LGR6: variants seen among roughly 807,000 people sequenced by gnomAD.
LGR6 encodes leucine-rich repeat-containing G protein-coupled receptor 6.
LGR6 carries 45 observed loss-of-function variants against 69.4 expected under a neutral mutation model. The observed-to-expected ratio is 0.65, with a 90% confidence interval of 0.51 to 0.83. The LOEUF is 0.83. Among genes scored for constraint, LGR6 ranks in the 40% least tolerant of loss-of-function variants. The probability of loss-of-function intolerance (pLI) is 0.00; values close to 1 mark genes in which losing one functional copy is unlikely to be tolerated. For missense variants in LGR6, 1,108 were observed against 1,246.7 expected, an observed-to-expected ratio of 0.89 and a Z score of 1.68; for synonymous variants, 538 against 555.0, an observed-to-expected ratio of 0.97 and a Z score of 0.43.
intron 6 of LGR6, among the ~76,000 whole-genome samples, chr1:202,285,867 A>C (rs1369200827): frequency 6.6e-6 from 1 of 152,206 alleles, no homozygotes; most frequent in Non-Finnish European, 1.5e-5. Context: ...TCCAAAATCA[A>C]GGTGTTAGCA....
intron 4 of LGR6, among the ~76,000 whole-genome samples, chr1:202,249,216 C>T (rs1329846382): frequency 6.6e-6 from 1 of 152,144 alleles, no homozygotes; most frequent in South Asian, 2.1e-4. Context: ...TGCTTTCCAG[C>T]CCTTATCTTA....
chr1:202,289,409 T>G lies in LGR6; in HGVS notation c.717-8099T>G, dbSNP rs536756275. ...TTTTACCACCCTTCTAATTCTAGGTTTCTGTGGTTCCAGGTGCTTCATTAG... is the reference window on the plus strand; with the variant it reads ...TTTTACCACCCTTCTAATTCTAGGTGTCTGTGGTTCCAGGTGCTTCATTAG... On this transcript the variant is annotated intron_variant, in intron 6 of 17. Coordinates refer to ENST00000367278, the MANE Select transcript of LGR6 (RefSeq NM_001017403.2). Among the ~76,000 whole-genome samples the G allele has an allele frequency of 5.9e-5, 9 of 152,190 alleles. 1 individual carries two copies. Among genetic ancestry groups the G allele is most frequent in the African/African-American group, 1.9e-4 (8 of 41,456 alleles).
chr1:202,206,130 A>G (rs1659222496), intron 1 of LGR6, among the ~76,000 whole-genome samples: 1 of 152,252 alleles, frequency 6.6e-6, no homozygotes, highest in African/African-American at 2.4e-5. Flanking sequence ...AGGATGGAGG[A>G]CACTGGATCA....
intron 6 of LGR6, among the ~76,000 whole-genome samples, chr1:202,295,869 TAG>T (rs996425656): frequency 8.6e-6 from 1 of 116,496 alleles, no homozygotes; most frequent in African/African-American, 3.4e-5. Context: ...ATTGGGTAAT[TAG>T]TGTGTGTGTG....
intron 4 of LGR6, among the ~76,000 whole-genome samples, chr1:202,254,899 CAA>C (rs71890535): frequency 2.4e-5 from 3 of 124,398 alleles, no homozygotes; most frequent in Non-Finnish European, 3.5e-5. Context: ...TCTGTCTCTA[CAA>C]AAAAAAAAAA....
chr1:202,315,151 T>C (rs901110765), intron 17 of LGR6, among the ~76,000 whole-genome samples: 11 of 152,142 alleles, frequency 7.2e-5, no homozygotes, highest in African/African-American at 2.7e-4. Context: ...AAAACTACTG[T>C]TACACAGGAG....
chr1:202,274,486 C>T (rs557141441), intron 4 of LGR6, among the ~76,000 whole-genome samples: 1 of 152,330 alleles, frequency 6.6e-6, no homozygotes, highest in Admixed American at 6.5e-5. Context: ...CTCATTCAGT[C>T]TTCCTCTCTT....
In LGR6 at chr1:202,193,967, G is replaced by A. The variant is rs971276548; in HGVS notation, c.-23G>A. 2.4e-5 allele frequency: 32 copies of A among 1,312,186 alleles called. No individual in the cohort carries two copies. In the African/African-American group the frequency reaches 3.9e-4, roughly 16 times the overall value. 81.3% of individuals were successfully genotyped at this position (1,312,186 alleles called of 1,614,324 possible). A position where few individuals can be genotyped will look rare whatever the true frequency, so the allele number is the denominator to read the frequency against. On this transcript the variant is annotated 5_prime_UTR_variant, in exon 1 of 18. Coordinates refer to ENST00000367278, the MANE Select transcript of LGR6 (RefSeq NM_001017403.2). ...GTGCGTCCGCGCCCGGCCGCCAGGT[G>A]CCCCAGTAGCCCGACCGCCGAGATG...
At chr1:202,283,912 T>G (rs1666205537) in intron 6 of LGR6, among the ~76,000 whole-genome samples, 1 of 152,242 alleles carries the variant, frequency 6.6e-6, no homozygotes, top group Non-Finnish European at 1.5e-5. Context: ...CCCTGCAAGC[T>G]GGGTCAGCCA....
chr1:202,277,197 C>T (rs1665629517), intron 5 of LGR6, among the ~76,000 whole-genome samples: 1 of 152,202 alleles, frequency 6.6e-6, no homozygotes, highest in African/African-American at 2.4e-5. Context: ...GCTGCAGGAA[C>T]ATGGCTTAGG....
intron 4 of LGR6, among the ~76,000 whole-genome samples, chr1:202,251,182 G>A (rs1013098274): frequency 1.3e-5 from 2 of 152,112 alleles, no homozygotes; most frequent in Non-Finnish European, 2.9e-5. Context: ...TCTCTGTGCT[G>A]TGAATTCACA....
intron 4 of LGR6, among the ~76,000 whole-genome samples, chr1:202,265,917 A>G (rs574584886): frequency 1.3e-5 from 2 of 152,164 alleles, no homozygotes; most frequent in Non-Finnish European, 2.9e-5. Context: ...CAAAGTGGGC[A>G]CTTGGGTAAA....
intron 9 of LGR6, among the ~76,000 whole-genome samples, chr1:202,301,951 G>A (rs543582588): frequency 5.3e-5 from 8 of 152,202 alleles, no homozygotes; most frequent in South Asian, 2.1e-4. Context: ...CCCGGGAGGC[G>A]GAGGTTACAG....
intron 1 of LGR6, among the ~76,000 whole-genome samples, chr1:202,206,894 T>TTTAA (rs1558006101): frequency 1.6e-4 from 1 of 6,324 alleles, no homozygotes; most frequent in Non-Finnish European, 4.2e-4. Context: ...AATTATTTTA[T>TTTAA]TTATTTATTT....
intron 6 of LGR6, among the ~76,000 whole-genome samples, chr1:202,282,303 C>G (rs575798907): frequency 6.6e-6 from 1 of 152,160 alleles, no homozygotes; most frequent in Non-Finnish European, 1.5e-5. Flanking sequence ...AATTGATGTC[C>G]GGGGAGGTGT....
In LGR6 at chr1:202,319,300, C is replaced by G; in HGVS notation, c.*93C>G. 7.4e-7 allele frequency: 1 copy of G among 1,347,292 alleles called. No homozygotes were observed. Among genetic ancestry groups the G allele is most frequent in the South Asian group, 1.5e-5 (1 of 66,420 alleles). The allele number at this position is 1,347,292 out of a possible 1,614,324, so 83.5% of individuals were successfully genotyped here. A position where few individuals can be genotyped will look rare whatever the true frequency, so the allele number is the denominator to read the frequency against. On this transcript the variant is annotated 3_prime_UTR_variant, in exon 18 of 18. Transcript: ENST00000367278. ...GCTTCTAAAACAAATACAACCAAAA[C>G]TCAGCAGTGTGATCTATAGCAGGAT...
At chr1:202,195,785 G>A (rs1658617613) in intron 1 of LGR6, among the ~76,000 whole-genome samples, 1 of 152,214 alleles carries the variant, frequency 6.6e-6, no homozygotes, top group East Asian at 1.9e-4. Context: ...CCTTGCCTGG[G>A]TTGAAGGGGC....
At chr1:202,246,713 A>T (rs888189763) in intron 4 of LGR6, among the ~76,000 whole-genome samples, 61 of 152,208 alleles carry the variant, frequency 4.0e-4, no homozygotes, top group African/African-American at 1.5e-3. Context: ...ATGTATATAA[A>T]AGCTAAAAGA....
chr1:202,233,603 T>C (rs1661277668), intron 3 of LGR6, among the ~76,000 whole-genome samples: 1 of 152,072 alleles, frequency 6.6e-6, no homozygotes, highest in South Asian at 2.1e-4. Context: ...TGAGTGAGGC[T>C]TTATGCACCT....
Sources: allele counts gnomAD v4.1 joint callset (sites outside exome capture counted in the v4.1 genomes callset), GRCh38; gene constraint gnomAD v4.1.1; transcripts MANE v1.5; gene names NCBI Gene and HGNC (gene_info 2026-07-23, HGNC 2026-07-21).